SGCZ: variants seen among roughly 807,000 people sequenced by gnomAD.
SGCZ encodes the protein sarcoglycan zeta.
SGCZ carries 40 observed loss-of-function variants against 41.3 expected under a neutral mutation model. The ratio of observed to expected loss-of-function variants is 0.97; its 90% confidence interval spans 0.75 to 1.26. The LOEUF (loss-of-function observed/expected upper bound fraction) is 1.26, where lower values mean the gene tolerates loss of function less well. Among genes scored for constraint, SGCZ ranks in the 50% most tolerant of loss-of-function variants. The probability of loss-of-function intolerance (pLI) is 0.00; values close to 1 mark genes in which losing one functional copy is unlikely to be tolerated. For missense variants in SGCZ, 552 were observed against 369.8 expected, an observed-to-expected ratio of 1.49 and a Z score of -4.04; for synonymous variants, 206 against 137.5, an observed-to-expected ratio of 1.50 and a Z score of -3.49.
At position 15,169,757 on chromosome 8, in the gene SGCZ, C is replaced by T. The variant is rs562545230; in HGVS notation, c.39+67828G>A. 1.3e-5 allele frequency among the ~76,000 whole-genome samples: 2 copies of T among 152,152 alleles called. 1 individual carries two copies. The highest frequency in any genetic ancestry group is 4.1e-4 in the South Asian group (2 of 4,830). On this transcript the variant is annotated intron_variant, in intron 1 of 7. Coordinates refer to ENST00000382080, the MANE Select transcript of SGCZ (RefSeq NM_139167.4). ...GATGGCAAGGAAGCTCTCCACAATT[C>T]CTTTTAGAAAGGTACAAATCCCATC...
chr8:14,631,308 T>A (rs543328405), intron 1 of SGCZ, among the ~76,000 whole-genome samples: 5 of 152,160 alleles, frequency 3.3e-5, no homozygotes, highest in South Asian at 4.1e-4. Context: ...TATTATACTT[T>A]AATGAGAGCA....
intron 1 of SGCZ, among the ~76,000 whole-genome samples, chr8:14,593,854 C>A (rs1468020591): frequency 6.6e-6 from 1 of 152,004 alleles, no homozygotes; most frequent in Non-Finnish European, 1.5e-5. Flanking sequence ...GGGTGTGTAT[C>A]AGAATCACCT....
intron 1 of SGCZ, among the ~76,000 whole-genome samples, chr8:15,142,228 G>A (rs1370061922): frequency 6.6e-6 from 1 of 152,098 alleles, no homozygotes; most frequent in Non-Finnish European, 1.5e-5. Context: ...TTTTATTGAG[G>A]GGTAGGGAAA....
At chr8:15,030,218 T>C (rs1301008771) in intron 1 of SGCZ, among the ~76,000 whole-genome samples, 3 of 152,124 alleles carry the variant, frequency 2.0e-5, no homozygotes, top group South Asian at 4.1e-4. Flanking sequence ...TTATCTAAAA[T>C]GGGTTGTGAA....
chr8:15,024,312 GA>G (rs112969337), intron 1 of SGCZ, among the ~76,000 whole-genome samples: 6,845 of 151,876 alleles, frequency 0.045, 221 homozygotes, highest in South Asian at 0.13. Context: ...ATATCCACTG[GA>G]AAAAAAATCT....
chr8:14,367,372 T>G (rs1803751246), intron 2 of SGCZ, among the ~76,000 whole-genome samples: 1 of 152,090 alleles, frequency 6.6e-6, no homozygotes, highest in Non-Finnish European at 1.5e-5. Context: ...CTCCAAACTG[T>G]TCCAAACTCT....
chr8:14,296,241 A>C (rs1283477720), intron 3 of SGCZ, among the ~76,000 whole-genome samples: 1 of 152,162 alleles, frequency 6.6e-6, no homozygotes, highest in African/African-American at 2.4e-5. Flanking sequence ...CCTGACTCTT[A>C]ACATCACAGT....
At chr8:14,817,055 T>C (rs1036221681) in intron 1 of SGCZ, among the ~76,000 whole-genome samples, 2 of 152,288 alleles carry the variant, frequency 1.3e-5, no homozygotes, top group South Asian at 4.1e-4. Flanking sequence ...CATTTCATGA[T>C]CTATAGAGAT....
chr8:14,756,188 T>C (rs1359395614), intron 1 of SGCZ, among the ~76,000 whole-genome samples: 1 of 149,604 alleles, frequency 6.7e-6, no homozygotes, highest in Non-Finnish European at 1.5e-5. Context: ...GAAGTAAATT[T>C]TTTTTTTTTT....
intron 1 of SGCZ, among the ~76,000 whole-genome samples, chr8:14,730,811 C>T (rs1394996329): frequency 1.3e-5 from 2 of 151,744 alleles, no homozygotes; most frequent in Non-Finnish European, 2.9e-5. Flanking sequence ...TTACATTTTG[C>T]AATGAACAAA....
intron 2 of SGCZ, among the ~76,000 whole-genome samples, chr8:14,536,174 T>C (rs1222562300): frequency 6.6e-6 from 1 of 151,878 alleles, no homozygotes; most frequent in East Asian, 1.9e-4. Context: ...CATTTTTGTC[T>C]TTGCAATTAT....
At chr8:14,900,160 G>A (rs114961281) in intron 1 of SGCZ, among the ~76,000 whole-genome samples, 1,685 of 151,980 alleles carry the variant, frequency 0.011, 27 homozygotes, top group African/African-American at 0.038. Context: ...CTTGACTGTA[G>A]ACAGACAAGG....
chr8:14,558,703 A>T (rs1351129035), intron 1 of SGCZ, among the ~76,000 whole-genome samples: 4 of 152,022 alleles, frequency 2.6e-5, no homozygotes, highest in Non-Finnish European at 5.9e-5. Flanking sequence ...ACTACGGACC[A>T]ATATCCCTCA....
intron 2 of SGCZ, among the ~76,000 whole-genome samples, chr8:14,418,745 A>C (rs2117299009): frequency 6.6e-6 from 1 of 152,144 alleles, no homozygotes; most frequent in East Asian, 1.9e-4. Flanking sequence ...AATTAAAAAT[A>C]AACATACAGA....
intron 1 of SGCZ, among the ~76,000 whole-genome samples, chr8:15,140,066 G>T (rs574071741): frequency 2.6e-5 from 4 of 152,050 alleles, no homozygotes; most frequent in African/African-American, 7.2e-5. Flanking sequence ...TGTTGCCCAG[G>T]CTGGAGTGCA....
intron 1 of SGCZ, among the ~76,000 whole-genome samples, chr8:14,695,550 G>A (rs150042888): frequency 1.1e-3 from 166 of 152,120 alleles, no homozygotes; most frequent in African/African-American, 3.7e-3. Flanking sequence ...TGTTGCCTCC[G>A]GATGGCATTG....
In SGCZ at chr8:14,164,669, A is replaced by G; in HGVS notation, c.458T>C (p.Phe153Ser). 2.5e-6 allele frequency: 4 copies of G among 1,613,562 alleles called. 1 individual carries two copies. The highest frequency in any genetic ancestry group is 2.5e-6 in the Non-Finnish European group (3 of 1,179,694). ...GCCATCTTCACTGGCTCTCACTTCA[A>G]ATCTTTTACACTGAGCTTCCACAGC... ...ADAVEAQCKR[F>S]EVRASEDGRV... is the part of the protein sequence containing the mutation. Residue 153 changes from phenylalanine (F) to serine (S), a missense_variant, in exon 5 of 8, where the codon TTT (phenylalanine) becomes TCT (serine). Physicochemically the swap from Phe to Ser is radical, Grantham distance 155. Coordinates refer to ENST00000382080, the MANE Select transcript of SGCZ (RefSeq NM_139167.4).
chr8:14,102,904 G>A (rs1430269510), intron 6 of SGCZ, among the ~76,000 whole-genome samples: 1 of 152,110 alleles, frequency 6.6e-6, no homozygotes, highest in African/African-American at 2.4e-5. Flanking sequence ...AAAATTTACA[G>A]TTTAGGATGT....
Position 15,174,890 on chromosome 8 carries a change from T to C in SGCZ, c.39+62695A>G, listed in dbSNP as rs527662149. On this transcript the variant is annotated intron_variant, in intron 1 of 7. Transcript: ENST00000382080. ...TGGAGTCAAAGTAATGCTTACACAC[T>C]GTTGGGAGGAGTGTAAATTAATTCA... is the stretch of plus-strand genomic sequence containing the variant. 9.9e-5 allele frequency among the ~76,000 whole-genome samples: 15 copies of C among 152,176 alleles called. No homozygotes were observed. The South Asian group carries it at 2.9e-3, about 29-fold the overall frequency.
Sources: allele counts gnomAD v4.1 joint callset (sites outside exome capture counted in the v4.1 genomes callset), GRCh38; gene constraint gnomAD v4.1.1; transcripts MANE v1.5; gene names NCBI Gene and HGNC (gene_info 2026-07-23, HGNC 2026-07-21).